The following RABGAP1L variants were observed in gnomAD, a reference collection of about 807,000 sequenced individuals.
The protein encoded by RABGAP1L is RAB GTPase activating protein 1 like.
RABGAP1L carries 63 observed loss-of-function variants against 137.7 expected under a neutral mutation model. The ratio of observed to expected loss-of-function variants is 0.46; its 90% CI spans 0.37 to 0.56. RABGAP1L has a LOEUF of 0.56. Ranked by LOEUF, RABGAP1L falls within the 20% of genes least tolerant of loss-of-function variation. The pLI is 0.00. For missense variants in RABGAP1L, 1,095 were observed against 1,244.0 expected, an observed-to-expected ratio of 0.88 and a Z score of 1.80; for synonymous variants, 431 against 433.7, an observed-to-expected ratio of 0.99 and a Z score of 0.08.
At chr1:174,184,437 A>G (rs560941733) in intron 1 of RABGAP1L, among the ~76,000 whole-genome samples, 2 of 152,318 alleles carry the variant, frequency 1.3e-5, no homozygotes, top group Admixed American at 6.5e-5. Flanking sequence ...GTCATATGGT[A>G]AGACTGTGTT....
chr1:174,168,828 G>A (rs1214845570), intron 1 of RABGAP1L, among the ~76,000 whole-genome samples: 1 of 152,146 alleles, frequency 6.6e-6, no homozygotes, highest in Non-Finnish European at 1.5e-5. Context: ...TTTCACTGAG[G>A]CTAGGCCTCT....
intron 11 of RABGAP1L, among the ~76,000 whole-genome samples, chr1:174,370,512 C>CTT (rs372406044): frequency 0.24 from 12,114 of 50,106 alleles, 1,184 homozygotes; most frequent in Non-Finnish European, 0.27. Context: ...AGAAACCTAA[C>CTT]TTTTTTTTTT....
In RABGAP1L at chr1:174,675,013, A is replaced by G. The variant is rs1460112222; in HGVS notation, c.1825-8509A>G. 4.6e-5 allele frequency among the ~76,000 whole-genome samples: 7 copies of G among 152,006 alleles called. No individual in the cohort carries two copies. In the South Asian group the frequency reaches 6.2e-4, roughly 14 times the overall value. The stretch of plus-strand genomic sequence containing the variant: ...GCCCTTTGTCAGATGAGTAGGTTGC[A>G]AAAATTTTCTCCCATTTTGTAGGTT... On this transcript the variant is annotated intron_variant, in intron 14 of 25. Transcript: ENST00000681986.
At chr1:174,812,469 A>G (rs1689967952) in intron 19 of RABGAP1L, among the ~76,000 whole-genome samples, 1 of 152,230 alleles carries the variant, frequency 6.6e-6, no homozygotes, top group East Asian at 1.9e-4. Context: ...TTTGAAATTG[A>G]AAACTCTTTC....
At chr1:174,769,775 C>A (rs1685969147) in intron 18 of RABGAP1L, among the ~76,000 whole-genome samples, 1 of 152,018 alleles carries the variant, frequency 6.6e-6, no homozygotes, top group Non-Finnish European at 1.5e-5. Context: ...ATGGTGTGAA[C>A]CCAGGAGGCA....
At chr1:174,171,776 GC>G (rs1425840075) in intron 1 of RABGAP1L, among the ~76,000 whole-genome samples, 2 of 151,746 alleles carry the variant, frequency 1.3e-5, no homozygotes, top group Admixed American at 1.3e-4. Context: ...GCCGAGGCAG[GC>G]AGATCACGAG....
rs747671420 is a variant in RABGAP1L, at chr1:174,664,730, C to CTTTTTTTTTTTTTTTTTTTTTTTTTT, written c.1825-18789_1825-18788insTTTTTTTTTTTTTTTTTTTTTTTTTT. On this transcript the variant is annotated intron_variant, in intron 14 of 25. Coordinates refer to ENST00000681986, the MANE Select transcript of RABGAP1L (RefSeq NM_001366446.1). ...CTCTCTCTTTCTTTCTTTCTTTCTG[C>CTTTTTTTTTTTTTTTTTTTTTTTTTT]TTTCTTTTTTTTTTTTTTTTTTTTT... Among the ~76,000 whole-genome samples, 19 of 98,904 alleles carry CTTTTTTTTTTTTTTTTTTTTTTTTTT rather than the reference C, an allele frequency of 1.9e-4. 3 individuals are homozygous for CTTTTTTTTTTTTTTTTTTTTTTTTTT. Among genetic ancestry groups the CTTTTTTTTTTTTTTTTTTTTTTTTTT allele is most frequent in the African/African-American group, 9.6e-4 (15 of 15,648 alleles). 64.9% of individuals were successfully genotyped at this position (98,904 alleles called of 152,430 possible).
chr1:174,656,058 A>T (rs900396969), intron 14 of RABGAP1L, among the ~76,000 whole-genome samples: 2 of 152,242 alleles, frequency 1.3e-5, no homozygotes, highest in Admixed American at 6.5e-5. Context: ...GAACTAAGGA[A>T]TCTATATGTA....
intron 11 of RABGAP1L, among the ~76,000 whole-genome samples, chr1:174,326,957 T>C (rs1680486853): frequency 6.6e-6 from 1 of 152,148 alleles, no homozygotes; most frequent in South Asian, 2.1e-4. Flanking sequence ...AAGAATACTG[T>C]ACACAGTAAA....
intron 8 of RABGAP1L, among the ~76,000 whole-genome samples, chr1:174,274,113 C>T (rs1674774498): frequency 6.6e-6 from 1 of 152,048 alleles, no homozygotes; most frequent in Non-Finnish European, 1.5e-5. Flanking sequence ...TTTTTATAAT[C>T]ACCTGAAATC....
At chr1:174,354,372 T>A (rs1269062936) in intron 11 of RABGAP1L, among the ~76,000 whole-genome samples, 8 of 152,178 alleles carry the variant, frequency 5.3e-5, no homozygotes, top group African/African-American at 1.9e-4. Flanking sequence ...TCTAATTGAT[T>A]GGCTGCCTTA....
At position 174,818,814 on chromosome 1, in the gene RABGAP1L, G is replaced by T. The variant is rs978691149; in HGVS notation, c.2340+6854G>T. On this transcript the variant is annotated intron_variant, in intron 19 of 25. Transcript: ENST00000681986. ...ACTTGAGCCCAGGAGTTTAAGACCA[G>T]CCTGGGCAACATGGTGAAACCCCGT... is the stretch of plus-strand genomic sequence containing the variant. Among the ~76,000 whole-genome samples the T allele has an allele frequency of 3.3e-5, 5 of 151,678 alleles. No homozygotes were observed. The East Asian group carries it at 9.7e-4, about 29-fold the overall frequency.
chr1:174,966,572 G>A (rs1442506871), intron 20 of RABGAP1L, among the ~76,000 whole-genome samples: 1 of 152,068 alleles, frequency 6.6e-6, no homozygotes, highest in Non-Finnish European at 1.5e-5. Flanking sequence ...AAATTGTGTT[G>A]CTTAGGCAAA....
At chr1:174,928,268 A>G (rs1295781332) in intron 19 of RABGAP1L, among the ~76,000 whole-genome samples, 4 of 152,146 alleles carry the variant, frequency 2.6e-5, no homozygotes, top group African/African-American at 4.8e-5. Flanking sequence ...CCTAACTTCC[A>G]GATAGAGTAG....
At chr1:174,787,255 G>T (rs1235665513) in intron 18 of RABGAP1L, among the ~76,000 whole-genome samples, 1 of 151,858 alleles carries the variant, frequency 6.6e-6, no homozygotes, top group Non-Finnish European at 1.5e-5. Flanking sequence ...AAACAAAAAT[G>T]AACCGGGCGT....
intron 1 of RABGAP1L, among the ~76,000 whole-genome samples, chr1:174,175,466 G>T (rs1283677627): frequency 6.6e-6 from 1 of 150,726 alleles, no homozygotes; most frequent in Non-Finnish European, 1.5e-5. Context: ...GCCTGTTTCT[G>T]CATTAGACTA....
chr1:174,860,210 G>GT (rs1241895056), intron 19 of RABGAP1L, among the ~76,000 whole-genome samples: 7 of 152,084 alleles, frequency 4.6e-5, no homozygotes, highest in Admixed American at 4.6e-4. Flanking sequence ...GATTTAGTGA[G>GT]TAAGGGGATT....
intron 20 of RABGAP1L, among the ~76,000 whole-genome samples, chr1:174,969,058 T>C (rs1161811483): frequency 6.6e-6 from 1 of 152,138 alleles, no homozygotes; most frequent in Non-Finnish European, 1.5e-5. Context: ...ATCTTGAGAG[T>C]TTAAGGGACC....
intron 19 of RABGAP1L, among the ~76,000 whole-genome samples, chr1:174,841,310 C>T (rs1693370915): frequency 6.6e-6 from 1 of 151,968 alleles, no homozygotes; most frequent in African/African-American, 2.4e-5. Context: ...AAAAGTAGAA[C>T]TTAGGAAAAA....
Sources: gnomAD v4.1 joint callset for allele counts (sites outside exome capture counted in the v4.1 genomes callset) on GRCh38, gnomAD v4.1.1 for gene constraint, MANE v1.5 for transcripts, NCBI Gene and HGNC (gene_info 2026-07-23, HGNC 2026-07-21) for gene names.